Variants in LDB2 observed in about 807,000 individuals in gnomAD.
LDB2 encodes the protein LIM domain binding 2.
In LDB2, 12 loss-of-function variants were observed where a neutral mutation model predicts 44.3. The observed-to-expected ratio is 0.27, with a 90% confidence interval of 0.17 to 0.44. The LOEUF is 0.44. Among genes scored for constraint, LDB2 ranks in the 20% least tolerant of loss-of-function variants. The probability of loss-of-function intolerance (pLI) is 1.00; values close to 1 mark genes in which losing one functional copy is unlikely to be tolerated. For missense variants in LDB2, 344 were observed against 473.5 expected, an observed-to-expected ratio of 0.73 and a Z score of 2.54; for synonymous variants, 164 against 174.8, an observed-to-expected ratio of 0.94 and a Z score of 0.49.
At chr4:16,876,736 A>G (rs1718503422) in intron 1 of LDB2, among the ~76,000 whole-genome samples, 1 of 152,104 alleles carries the variant, frequency 6.6e-6, no homozygotes, top group South Asian at 2.1e-4. Context: ...GGGAAAAAGC[A>G]TTAAACTGAT....
At chr4:16,557,556 C>T (rs10004395) in intron 5 of LDB2, among the ~76,000 whole-genome samples, 127,065 of 152,224 alleles carry the variant, frequency 0.83, 53,706 homozygotes, top group Non-Finnish European at 0.91. Context: ...ACAAAGCAGC[C>T]GGGAAGCTCA....
intron 2 of LDB2, among the ~76,000 whole-genome samples, chr4:16,643,676 A>G (rs748471095): frequency 1.3e-5 from 2 of 152,194 alleles, no homozygotes; most frequent in African/African-American, 4.8e-5. Flanking sequence ...TATTTTGTCT[A>G]TTCCAAGTAT....
At chr4:16,693,240 C>T (rs16893797) in intron 2 of LDB2, among the ~76,000 whole-genome samples, 13,833 of 152,020 alleles carry the variant, frequency 0.091, 834 homozygotes, top group East Asian at 0.2. Flanking sequence ...AATCTTGGTA[C>T]CTAAGAATCC....
At chr4:16,793,487 T>G (rs1031689485) in intron 1 of LDB2, among the ~76,000 whole-genome samples, 1 of 152,162 alleles carries the variant, frequency 6.6e-6, no homozygotes, top group Non-Finnish European at 1.5e-5. Context: ...CAGGTTGCCA[T>G]TTGAAGCTTC....
At position 16,705,128 on chromosome 4, in the gene LDB2, T is replaced by C. The variant is rs997043803; in HGVS notation, c.235+54030A>G. ...ATACATAATCCTTTCATAGTTTACA[T>C]AAATATGTCATATATAATTTACAAA... is the stretch of plus-strand genomic sequence containing the variant. On this transcript the variant is annotated intron_variant, in intron 2 of 7. Coordinates refer to ENST00000304523, the MANE Select transcript of LDB2 (RefSeq NM_001290.5). Among the ~76,000 whole-genome samples, 12 of 149,868 alleles carry C rather than the reference T, an allele frequency of 8.0e-5. No individual in the cohort carries two copies. The South Asian group carries it at 2.5e-3, about 32-fold the overall frequency.
At chr4:16,731,408 A>G (rs1760731009) in intron 2 of LDB2, among the ~76,000 whole-genome samples, 1 of 152,126 alleles carries the variant, frequency 6.6e-6, no homozygotes, top group Non-Finnish European at 1.5e-5. Context: ...GGCCTTTGGG[A>G]TGTTAGAAGA....
At chr4:16,518,316 A>G (rs1724621671) in intron 5 of LDB2, among the ~76,000 whole-genome samples, 1 of 152,110 alleles carries the variant, frequency 6.6e-6, no homozygotes, top group Non-Finnish European at 1.5e-5. Flanking sequence ...TTGGCTGTGA[A>G]CTACAAAGCA....
chr4:16,576,990 C>G (rs892049828), intron 5 of LDB2, among the ~76,000 whole-genome samples: 10 of 152,156 alleles, frequency 6.6e-5, no homozygotes, highest in African/African-American at 2.2e-4. Context: ...GCCATACGAT[C>G]ATTTCAATTG....
chr4:16,866,658 G>T (rs1431880635), intron 1 of LDB2, among the ~76,000 whole-genome samples: 2 of 152,116 alleles, frequency 1.3e-5, no homozygotes, highest in Non-Finnish European at 2.9e-5. Flanking sequence ...TCAAAGAAAG[G>T]AGTCATAAAG....
intron 5 of LDB2, among the ~76,000 whole-genome samples, chr4:16,537,068 T>C (rs984648887): frequency 9.8e-5 from 15 of 152,352 alleles, no homozygotes; most frequent in African/African-American, 3.6e-4. Flanking sequence ...TAAGCCTGTG[T>C]GTGTGGCTGA....
rs192284761 is a variant in LDB2 at position 16,610,055 on chromosome 4, C to T, written c.236-14180G>A. Among the ~76,000 whole-genome samples, 561 of 152,032 alleles carry T rather than the reference C, an allele frequency of 3.7e-3. 1 individual carries two copies. The highest frequency in any genetic ancestry group is 0.013 in the African/African-American group (535 of 41,486). On this transcript the variant is annotated intron_variant, in intron 2 of 7. Coordinates refer to ENST00000304523, the MANE Select transcript of LDB2 (RefSeq NM_001290.5). ...TGAGTGACATCTCCAGGCATGGGAG[C>T]GAATCAGATGAATATGGCCTGAAGT...
intron 6 of LDB2, among the ~76,000 whole-genome samples, chr4:16,509,772 C>G (rs954597418): frequency 2.0e-5 from 3 of 152,142 alleles, no homozygotes; most frequent in Admixed American, 2.0e-4. Flanking sequence ...GAGAAGGCAA[C>G]TCAGGGCTAC....
intron 2 of LDB2, among the ~76,000 whole-genome samples, chr4:16,679,844 G>A (rs949687799): frequency 6.6e-6 from 1 of 152,198 alleles, no homozygotes; most frequent in Admixed American, 6.5e-5. Flanking sequence ...GTCAGTGCAG[G>A]GAGACTGGAT....
At chr4:16,506,050 G>A in intron 7 of LDB2, 1 of 1,501,482 alleles carries the variant, frequency 6.7e-7, no homozygotes, top group Non-Finnish European at 9.0e-7. Context: ...ACACATCGCT[G>A]CCGCAGCAGC....
At chr4:16,531,953 G>A (rs1424165908) in intron 5 of LDB2, among the ~76,000 whole-genome samples, 2 of 152,138 alleles carry the variant, frequency 1.3e-5, no homozygotes, top group Non-Finnish European at 2.9e-5. Flanking sequence ...GACCTGAGAT[G>A]AGGGAACACA....
chr4:16,665,581 A>G (rs1228053592), intron 2 of LDB2, among the ~76,000 whole-genome samples: 1 of 152,202 alleles, frequency 6.6e-6, no homozygotes, highest in Non-Finnish European at 1.5e-5. Context: ...TAGATATTCT[A>G]GTTACTAAAT....
intron 2 of LDB2, among the ~76,000 whole-genome samples, chr4:16,687,945 C>A (rs1159504292): frequency 6.6e-6 from 1 of 152,184 alleles, no homozygotes; most frequent in Non-Finnish European, 1.5e-5. Context: ...TACAGTGATT[C>A]AGAAAAGTAG....
At chr4:16,874,223 C>CAGATCTTA (rs1717669897) in intron 1 of LDB2, among the ~76,000 whole-genome samples, 1 of 151,886 alleles carries the variant, frequency 6.6e-6, no homozygotes, top group African/African-American at 2.4e-5. Flanking sequence ...GGAAAATAGG[C>CAGATCTTA]AGATCTTAAG....
chr4:16,508,107 G>A (rs867262910), intron 7 of LDB2, among the ~76,000 whole-genome samples: 1 of 127,282 alleles, frequency 7.9e-6, no homozygotes. Flanking sequence ...GGACGCCCAT[G>A]TTGGGAAGGC....
Sources: allele counts gnomAD v4.1 joint callset (sites outside exome capture counted in the v4.1 genomes callset), GRCh38; gene constraint gnomAD v4.1.1; transcripts MANE v1.5; gene names NCBI Gene and HGNC (gene_info 2026-07-23, HGNC 2026-07-21).